CLIC5: variants seen among roughly 807,000 people sequenced by gnomAD.
CLIC5 encodes CLIC family member 5.
CLIC5 carries 20 observed loss-of-function variants against 24.7 expected under a neutral mutation model. The observed-to-expected ratio is 0.81, with a 90% CI of 0.57 to 1.18. The LOEUF is 1.18. Among genes scored for constraint, CLIC5 ranks in the 50% most tolerant of loss-of-function variants. The pLI, the probability that CLIC5 is intolerant of heterozygous loss-of-function variation, is 0.00. For missense variants in CLIC5, 341 were observed against 326.1 expected (o/e 1.05, Z -0.35); for synonymous variants, 159 against 135.6 (o/e 1.17, Z -1.20).
chr6:45,942,708 T>C (rs1366239503), intron 3 of CLIC5, among the ~76,000 whole-genome samples: 1 of 152,242 alleles, frequency 6.6e-6, no homozygotes, highest in African/African-American at 2.4e-5. Context: ...TATTTGTTGT[T>C]CTTTAATGCT....
Position 46,008,716 on chromosome 6 carries a change from A to C in CLIC5, c.63+6764T>G, listed in dbSNP as rs1211808248. On this transcript the variant is annotated intron_variant, in intron 1 of 5. Transcript: ENST00000339561. The stretch of plus-strand genomic sequence containing the variant: ...ATTATGTGTCACTCCTATATAATAA[A>C]AAATATACAAAGGAAGAAAAGAAAA... 2.6e-5 allele frequency among the ~76,000 whole-genome samples: 4 copies of C among 152,242 alleles called. No homozygotes were observed. In the South Asian group the frequency reaches 6.2e-4, roughly 24 times the overall value.
At chr6:46,008,242 T>C (rs1159567899) in intron 1 of CLIC5, among the ~76,000 whole-genome samples, 3 of 152,180 alleles carry the variant, frequency 2.0e-5, no homozygotes, top group African/African-American at 7.2e-5. Context: ...TCCTTTCATA[T>C]ACCACTTGCT....
chr6:45,927,101 C>T (rs973779555), intron 4 of CLIC5, among the ~76,000 whole-genome samples: 6 of 152,102 alleles, frequency 3.9e-5, no homozygotes, highest in Admixed American at 1.3e-4. Context: ...CTGATGAGGC[C>T]CCGTCATCAT....
chr6:45,896,693 G>A (rs1044243122), downstream of CLIC5, among the ~76,000 whole-genome samples: 1 of 152,180 alleles, frequency 6.6e-6, no homozygotes, highest in African/African-American at 2.4e-5. Flanking sequence ...AAGCTTCTCT[G>A]GAACAGGACT....
chr6:45,983,914 A>G (rs1002433469), intron 1 of CLIC5, among the ~76,000 whole-genome samples: 1 of 152,236 alleles, frequency 6.6e-6, no homozygotes, highest in Non-Finnish European at 1.5e-5. Context: ...CTCATCCACT[A>G]GAACACAAGA....
chr6:45,987,791 T>C (rs1311969124), intron 1 of CLIC5, among the ~76,000 whole-genome samples: 2 of 152,114 alleles, frequency 1.3e-5, no homozygotes, highest in African/African-American at 4.8e-5. Context: ...CCCAATCCTA[T>C]TGGATTAGGG....
intron 4 of CLIC5, among the ~76,000 whole-genome samples, chr6:45,935,976 C>T (rs974958323): frequency 5.9e-5 from 9 of 152,092 alleles, no homozygotes; most frequent in African/African-American, 1.7e-4. Flanking sequence ...CATCTTTATG[C>T]CCTCCCCACT....
chr6:45,991,339 C>G (rs1765935611), intron 1 of CLIC5, among the ~76,000 whole-genome samples: 1 of 152,218 alleles, frequency 6.6e-6, no homozygotes, highest in African/African-American at 2.4e-5. Context: ...CCAGTTGGCA[C>G]TGTACCATAG....
At chr6:46,089,856 A>G in the CLIC5 span, among the ~76,000 whole-genome samples, 1 of 152,218 alleles carries the variant, frequency 6.6e-6, no homozygotes, top group African/African-American at 2.4e-5. Context: ...ATTTTGGGAC[A>G]TATTTTCTTT....
intron 1 of CLIC5, among the ~76,000 whole-genome samples, chr6:46,010,065 C>T (rs560689987): frequency 6.6e-6 from 1 of 152,288 alleles, no homozygotes; most frequent in Admixed American, 6.5e-5. Flanking sequence ...TGCTTGTGTT[C>T]TCAGGGGTCA....
At chr6:45,961,650 T>A (rs1249481466) in intron 1 of CLIC5, among the ~76,000 whole-genome samples, 1 of 151,944 alleles carries the variant, frequency 6.6e-6, no homozygotes, top group Non-Finnish European at 1.5e-5. Context: ...TAGTTGTGAC[T>A]ATTTTTTTTT....
chr6:46,009,050 A>G (rs1172145202), intron 1 of CLIC5, among the ~76,000 whole-genome samples: 4 of 152,016 alleles, frequency 2.6e-5, no homozygotes, highest in Admixed American at 2.0e-4. Flanking sequence ...AACTCTATAG[A>G]CAGGACCTGG....
chr6:45,929,659 G>T (rs1305596874), intron 4 of CLIC5, among the ~76,000 whole-genome samples: 1 of 152,260 alleles, frequency 6.6e-6, no homozygotes, highest in South Asian at 2.1e-4. Context: ...TGTGGAGGTC[G>T]GCCTGACCAC....
intron 5 of CLIC5, chr6:45,912,146 T>C: frequency 1.0e-6 from 1 of 986,728 alleles, no homozygotes; most frequent in Non-Finnish European, 1.2e-6. Context: ...AGATTAAGTT[T>C]TGGCATCCGA....
At chr6:45,940,521 C>T (rs954496696) in intron 4 of CLIC5, among the ~76,000 whole-genome samples, 1 of 152,216 alleles carries the variant, frequency 6.6e-6, no homozygotes, top group Non-Finnish European at 1.5e-5. Flanking sequence ...ATGCTGGTCG[C>T]CTTGATCCAA....
At chr6:46,083,658 G>C (rs1238268079), upstream of CLIC5, among the ~76,000 whole-genome samples, 1 of 152,108 alleles carries the variant, frequency 6.6e-6, no homozygotes, top group Non-Finnish European at 1.5e-5. Context: ...TATAATTTCT[G>C]TTCTTTTACT....
chr6:46,027,829 A>G (rs1176323559), intron 1 of CLIC5, among the ~76,000 whole-genome samples: 1 of 152,226 alleles, frequency 6.6e-6, no homozygotes, highest in East Asian at 1.9e-4. Context: ...GGAGGATGGG[A>G]GAAACCTCTC....
intron 4 of CLIC5, among the ~76,000 whole-genome samples, chr6:45,939,198 C>G (rs1277869058): frequency 6.7e-6 from 1 of 149,196 alleles, no homozygotes; most frequent in Non-Finnish European, 1.5e-5. Context: ...CTCTACATGT[C>G]TGTGTCCTCT....
chr6:46,093,892 A>C, the CLIC5 span, among the ~76,000 whole-genome samples: 1 of 152,226 alleles, frequency 6.6e-6, no homozygotes, highest in Non-Finnish European at 1.5e-5. Flanking sequence ...AATACCTGAC[A>C]CCAGGTAATT....
Sources: gnomAD v4.1 joint callset for allele counts (sites outside exome capture counted in the v4.1 genomes callset) on GRCh38, gnomAD v4.1.1 for gene constraint, MANE v1.5 for transcripts, NCBI Gene and HGNC (gene_info 2026-07-23, HGNC 2026-07-21) for gene names.